Variants in PHF24 observed in about 807,000 individuals in gnomAD.
PHF24 encodes PHD finger protein 24.
PHF24 carries 25 observed loss-of-function variants against 42.6 expected under a neutral mutation model. The observed-to-expected ratio is 0.59, with a 90% confidence interval of 0.43 to 0.82. The LOEUF (loss-of-function observed/expected upper bound fraction) is 0.82, where lower values mean the gene tolerates loss of function less well. PHF24 is among the 40% of genes least tolerant of loss of function. The probability of loss-of-function intolerance (pLI) is 0.00; values close to 1 mark genes in which losing one functional copy is unlikely to be tolerated. For missense variants in PHF24, 470 were observed against 538.1 expected, an observed-to-expected ratio of 0.87 and a Z score of 1.25; for synonymous variants, 185 against 204.8, an observed-to-expected ratio of 0.90 and a Z score of 0.83.
the PHF24 span, among the ~76,000 whole-genome samples, chr9:34,938,437 G>C: frequency 1.3e-5 from 2 of 152,180 alleles, no homozygotes; most frequent in Admixed American, 1.3e-4. Flanking sequence ...AAGCCTTTCC[G>C]GGAGAGTAAG....
At chr9:34,665,957 A>G in the PHF24 span, 8 of 476,214 alleles carry the variant, frequency 1.7e-5, no homozygotes, top group Non-Finnish European at 3.0e-5. Flanking sequence ...CTGGGTGAGG[A>G]TTTTCAGGGG....
the PHF24 span, among the ~76,000 whole-genome samples, chr9:34,856,594 C>T: frequency 6.6e-6 from 1 of 152,206 alleles, no homozygotes; most frequent in Non-Finnish European, 1.5e-5. Flanking sequence ...CCCTCCTGCA[C>T]CTAGAGGTAT....
the PHF24 span, chr9:34,893,036 T>G: frequency 1.0e-6 from 1 of 953,350 alleles, no homozygotes; most frequent in East Asian, 2.6e-5. Context: ...GGAGATCTGG[T>G]TGTTCTCACC....
At chr9:34,917,576 G>A in the PHF24 span, 2 of 775,710 alleles carry the variant, frequency 2.6e-6, no homozygotes, top group Admixed American at 1.7e-5. Context: ...GTTTGGCATG[G>A]AGCAGGAATA....
chr9:34,694,885 A>G, the PHF24 span, among the ~76,000 whole-genome samples: 1 of 152,220 alleles, frequency 6.6e-6, no homozygotes, highest in Non-Finnish European at 1.5e-5. Flanking sequence ...TTGTCCCTTT[A>G]TTAAAATCTT....
the PHF24 span, among the ~76,000 whole-genome samples, chr9:34,936,193 C>G: frequency 2.0e-5 from 3 of 152,148 alleles, no homozygotes; most frequent in Admixed American, 6.5e-5. Flanking sequence ...CTCAGCCTGC[C>G]GAGTGCCTGC....
the PHF24 span, chr9:34,691,391 C>T: frequency 6.2e-6 from 3 of 483,302 alleles, no homozygotes; most frequent in South Asian, 2.7e-5. Context: ...CTGGCAGAAT[C>T]GCACCCTGCC....
the PHF24 span, chr9:34,728,716 A>G: frequency 1.4e-6 from 2 of 1,450,502 alleles, no homozygotes; most frequent in Non-Finnish European, 1.9e-6. Context: ...CATGTCCAAA[A>G]TGAGACAAAA....
chr9:34,701,245 G>A, the PHF24 span, among the ~76,000 whole-genome samples: 1 of 152,176 alleles, frequency 6.6e-6, no homozygotes, highest in Non-Finnish European at 1.5e-5. The surrounding 1 kb of genome is among the most constrained non-coding windows in gnomAD (Gnocchi z 5.8). Context: ...CATTGGGGCA[G>A]GGGAGTCAAC....
At chr9:34,905,028 G>A in the PHF24 span, among the ~76,000 whole-genome samples, 4 of 152,014 alleles carry the variant, frequency 2.6e-5, no homozygotes, top group South Asian at 8.3e-4. Flanking sequence ...CAGGTTCGTT[G>A]GAGTTACATT....
the PHF24 span, among the ~76,000 whole-genome samples, chr9:34,735,737 T>C: frequency 6.6e-6 from 1 of 151,686 alleles, no homozygotes; most frequent in African/African-American, 2.4e-5. Context: ...TAGCGGAGGT[T>C]GCAGTGAGCC....
chr9:34,917,119 C>T, the PHF24 span: 5 of 818,254 alleles, frequency 6.1e-6, no homozygotes, highest in African/African-American at 5.0e-5. Flanking sequence ...CCTCACCTCG[C>T]TCTCGCGGCC....
At chr9:34,877,174 G>A in the PHF24 span, among the ~76,000 whole-genome samples, 2 of 151,774 alleles carry the variant, frequency 1.3e-5, no homozygotes, top group Admixed American at 6.6e-5. Flanking sequence ...CCAGCTACTC[G>A]GGAGGCTGAG....
chr9:34,716,830 A>T, the PHF24 span, among the ~76,000 whole-genome samples: 136 of 152,062 alleles, frequency 8.9e-4, no homozygotes, highest in African/African-American at 3.2e-3. Context: ...CTGGTCTCCA[A>T]CTCTTGAGCT....
At chr9:34,836,751 A>T in the PHF24 span, among the ~76,000 whole-genome samples, 1 of 152,218 alleles carries the variant, frequency 6.6e-6, no homozygotes, top group Non-Finnish European at 1.5e-5. Flanking sequence ...TGACTTTCTC[A>T]TGCAAAATCC....
At chr9:34,963,225 C>T (rs565152818) in intron 1 of PHF24, among the ~76,000 whole-genome samples, 63 of 150,988 alleles carry the variant, frequency 4.2e-4, no homozygotes, top group African/African-American at 1.5e-3. Context: ...GCTTGGATTT[C>T]CTCAAAGACC....
chr9:34,971,473 A>G (rs1826979401), exon 2 of PHF24: 1 of 1,614,106 alleles, frequency 6.2e-7, no homozygotes, highest in Non-Finnish European at 8.5e-7. Context: ...ACAGGAGGAG[A>G]AGGAAGCAGA....
the PHF24 span, among the ~76,000 whole-genome samples, chr9:34,941,547 C>A: frequency 5.9e-5 from 9 of 152,194 alleles, no homozygotes; most frequent in African/African-American, 1.9e-4. Context: ...CCCTTTGTCT[C>A]AGTCTGTTCA....
the PHF24 span, chr9:34,709,902 AG>A: frequency 6.2e-7 from 1 of 1,614,162 alleles, no homozygotes; most frequent in Non-Finnish European, 8.5e-7. Flanking sequence ...CACTGCCTGC[AG>A]GGTGGGATTC....
Sources: gnomAD v4.1 joint callset for allele counts (sites outside exome capture counted in the v4.1 genomes callset) on GRCh38, gnomAD v4.1.1 for gene constraint, Gnocchi (gnomAD v3.1) non-coding constraint, MANE v1.5 for transcripts, NCBI Gene and HGNC (gene_info 2026-07-23, HGNC 2026-07-21) for gene names.